CYP4F8: variants seen among roughly 807,000 people sequenced by gnomAD.
CYP4F8 encodes the protein cytochrome P450 4F8.
Under a neutral mutation model 55.0 loss-of-function variants are expected in CYP4F8, and 56 were observed. The observed-to-expected ratio is 1.02, with a 90% CI of 0.82 to 1.27. The LOEUF is 1.27. Ranked by LOEUF, CYP4F8 falls within the 50% of genes most tolerant of loss-of-function variation. CYP4F8 has a pLI of 0.00. For missense variants in CYP4F8, 680 were observed against 682.4 expected (o/e 1.00, Z 0.04); for synonymous variants, 288 against 267.3 (o/e 1.08, Z -0.76).
At chr19:15,625,317 A>G (rs888136295) in intron 9 of CYP4F8, among the ~76,000 whole-genome samples, 42 of 128,304 alleles carry the variant, frequency 3.3e-4, no homozygotes, top group African/African-American at 1.2e-3. Flanking sequence ...AATTCACAAG[A>G]AACTATGTGT....
At chr19:15,622,819 T>G in intron 6 of CYP4F8, 2 of 477,978 alleles carry the variant, frequency 4.2e-6, no homozygotes, top group Non-Finnish European at 7.6e-6. Flanking sequence ...GGAGAGGAGG[T>G]CTGAGTTTGG....
chr19:15,622,099 G>T, intron 5 of CYP4F8, 120 bp from the exon 6 acceptor site: 1 of 1,341,188 alleles, frequency 7.5e-7, no homozygotes, highest in Non-Finnish European at 1.0e-6. Flanking sequence ...CCTGAGGATG[G>T]GGGTCTGGGA....
intron 2 of CYP4F8, among the ~76,000 whole-genome samples, chr19:15,617,465 A>G (rs966457618): frequency 6.6e-6 from 1 of 151,816 alleles, no homozygotes; most frequent in African/African-American, 2.4e-5. Context: ...AATAGAATTA[A>G]TAGGATATCA....
Position 15,618,109 on chromosome 19 carries a change from A to C in CYP4F8, c.308A>C (p.His103Pro), listed in dbSNP as rs780116799. 1.2e-6 allele frequency: 2 copies of C among 1,613,944 alleles called. No individual in the cohort carries two copies. The highest frequency in any genetic ancestry group is 2.2e-5 in the South Asian group (2 of 91,070). Residue 103 changes from histidine to proline, a missense_variant, in exon 3 of 13, where the codon CAC becomes CCC. Coordinates refer to ENST00000612078, the MANE Select transcript of CYP4F8 (RefSeq NM_007253.4). Reference protein sequence around the residue: ...GPITPIINLCHPDIVRSVINT... With the variant: ...GPITPIINLCPPDIVRSVINT... ...ATCACTCCCATCATCAACTTGTGCC[A>C]CCCTGACATCGTCCGATCTGTCATC...
Position 15,623,217 on chromosome 19 carries a change from C to T in CYP4F8, c.760C>T (p.Arg254Trp), listed in dbSNP as rs377660733. ...CCTGTACTTCCTCACTCCCTGTGGA[C>T]GGCGCTTCCACAGGGCCTGCAGACT... is the stretch of plus-strand genomic sequence containing the variant. ...DFLYFLTPCGRRFHRACRLVH... is the reference protein window; with the variant it reads ...DFLYFLTPCGWRFHRACRLVH... The change falls in exon 7 of 13, where the codon CGG (arginine) becomes TGG (tryptophan). Residue 254 changes from arginine to tryptophan, a missense_variant. Transcript: ENST00000612078. 4.6e-4 allele frequency: 750 copies of T among 1,614,080 alleles called. 1 individual carries two copies. Among genetic ancestry groups the T allele is most frequent in the Non-Finnish European group, 5.9e-4 (697 of 1,180,016 alleles).
Position 15,623,937 on chromosome 19 carries a change from G to C in CYP4F8, c.986-28G>C, listed in dbSNP as rs146676693. Reference sequence around the variant, plus strand: ...CCTCTGGGTGCTGAAGCAGCCCAGAGACTCAAGCCTGCCTGGCTGACCCTC... The same window carrying C: ...CCTCTGGGTGCTGAAGCAGCCCAGACACTCAAGCCTGCCTGGCTGACCCTC... On this transcript the variant is annotated intron_variant, in intron 8 of 12. Transcript: ENST00000612078. The C allele has an allele frequency of 2.2e-3, 3,597 of 1,612,468 alleles. 9 individuals are homozygous for C. The highest frequency in any genetic ancestry group is 2.9e-3 in the Non-Finnish European group (3,416 of 1,178,966).
chr19:15,619,362 T>A, intron 3 of CYP4F8, 128 bp from the exon 4 acceptor site: 23 of 1,019,714 alleles, frequency 2.3e-5, no homozygotes, highest in Non-Finnish European at 3.3e-5. Flanking sequence ...CTTCTGCCCA[T>A]GGCCTCCTTC....
At chr19:15,628,236 G>A in intron 9 of CYP4F8, 66 bp from the exon 10 acceptor site, 1 of 1,606,798 alleles carries the variant, frequency 6.2e-7, no homozygotes, top group Non-Finnish European at 8.5e-7. Flanking sequence ...GAGGTGGTGA[G>A]AGGGTCTCCA....
chr19:15,622,107 G>A lies in CYP4F8; in HGVS notation c.526-112G>A, dbSNP rs139710599. ...AGTCCTCCCTGAGGATGGGGGTCTG[G>A]GACAGAAAACCAGGAGCATGCCTCT... On this transcript the variant is annotated intron_variant, in intron 5 of 12. Coordinates refer to ENST00000612078, the MANE Select transcript of CYP4F8 (RefSeq NM_007253.4). 9.5e-5 allele frequency: 134 copies of A among 1,411,424 alleles called. No homozygotes were observed. In the African/African-American group the frequency reaches 1.7e-3, roughly 17 times the overall value. The allele number at this position is 1,411,424 out of a possible 1,614,324, so 87.4% of individuals were successfully genotyped here.
Position 15,630,068 on chromosome 19 carries a change from T to C in CYP4F8, c.*710T>C, listed in dbSNP as rs953833200. The C allele has an allele frequency of 2.0e-5, 3 of 149,842 alleles. No individual in the cohort carries two copies. Among genetic ancestry groups the C allele is most frequent in the Admixed American group, 2.0e-4 (3 of 15,062 alleles). The allele number at this position is 149,842 out of a possible 1,614,324, so 9.3% of individuals were successfully genotyped here. ...TTTTAGTACAGATGGGGTTTTGCTA[T>C]GTTGGCCAGGCTGGTCTCAAACTCC... On this transcript the variant is annotated 3_prime_UTR_variant, in exon 13 of 13. Transcript: ENST00000612078.
intron 2 of CYP4F8, among the ~76,000 whole-genome samples, chr19:15,617,782 C>A (rs2144601310): frequency 6.6e-6 from 1 of 152,316 alleles, no homozygotes; most frequent in East Asian, 1.9e-4. Flanking sequence ...ATTCACCCTT[C>A]CTCCACTTTT....
chr19:15,629,616 G>C lies in CYP4F8; in HGVS notation c.*258G>C. 2.4e-6 allele frequency: 1 copy of C among 422,118 alleles called. No homozygotes were observed. The highest frequency in any genetic ancestry group is 4.1e-6 in the Non-Finnish European group (1 of 242,234). 26.1% of individuals were successfully genotyped at this position (422,118 alleles called of 1,614,324 possible). ...GAGGGTGGGATCTCCCAGAGTCTAA[G>C]TAAAGACTTTTTCCCCCCCAAAATA... On this transcript the variant is annotated 3_prime_UTR_variant, in exon 13 of 13. Coordinates refer to ENST00000612078, the MANE Select transcript of CYP4F8 (RefSeq NM_007253.4).
At chr19:15,628,167 A>G in intron 9 of CYP4F8, 135 bp from the exon 10 acceptor site, 1 of 1,373,406 alleles carries the variant, frequency 7.3e-7, no homozygotes, top group South Asian at 1.4e-5. Flanking sequence ...TTGGTTTTCT[A>G]ATGCTTACAT....
At chr19:15,615,846 A>C in intron 2 of CYP4F8, 32 bp downstream of exon 2, 3 of 1,536,174 alleles carry the variant, frequency 2.0e-6, no homozygotes, top group Non-Finnish European at 2.6e-6. Flanking sequence ...CTAGTGTCTC[A>C]GGGTGGAAGG....
intron 7 of CYP4F8, 76 bp downstream of exon 7, chr19:15,623,451 T>A: frequency 6.3e-7 from 1 of 1,581,474 alleles, no homozygotes; most frequent in Non-Finnish European, 8.6e-7. Flanking sequence ...GGACCGGACT[T>A]GATACAGAGG....
chr19:15,618,530 G>A (rs1312878916), intron 3 of CYP4F8: 3 of 358,708 alleles, frequency 8.4e-6, no homozygotes, highest in Middle Eastern at 8.0e-4. Context: ...ACTGGGGCAG[G>A]CTGGAAGGCT....
chr19:15,624,175 G>C (rs138376394), intron 9 of CYP4F8, 81 bp downstream of exon 9: 3 of 1,558,684 alleles, frequency 1.9e-6, no homozygotes, highest in Non-Finnish European at 2.6e-6. Context: ...TGGGGGAAAA[G>C]GGGAGGATCT....
rs745472161 is a variant in CYP4F8, at chr19:15,623,266, T to C, written c.809T>C (p.Val270Ala). Residue 270 changes from valine (V) to alanine (A), a missense_variant, in exon 7 of 13, where the codon GTC becomes GCC. By Grantham distance (64) the Val-to-Ala change is moderately conservative (BLOSUM62 0). Coordinates refer to ENST00000612078, the MANE Select transcript of CYP4F8 (RefSeq NM_007253.4). ...CRLVHDFTDA[V>A]IQERRRTLTS... Reference sequence around the variant, plus strand: ...CTGGTGCACGACTTCACAGATGCCGTCATCCAGGAGCGGCGCCGCACCCTC... The same window carrying C: ...CTGGTGCACGACTTCACAGATGCCGCCATCCAGGAGCGGCGCCGCACCCTC... 3.7e-6 allele frequency: 6 copies of C among 1,613,998 alleles called. No homozygotes were observed. The highest frequency in any genetic ancestry group is 3.3e-5 in the South Asian group (3 of 91,078).
At chr19:15,622,386 GT>G in intron 6 of CYP4F8, 46 bp downstream of exon 6, 1 of 1,530,800 alleles carries the variant, frequency 6.5e-7, no homozygotes, top group Non-Finnish European at 8.9e-7. Context: ...GAGTGGGGGT[GT>G]GGGTGTGGGG....
Sources: allele counts gnomAD v4.1 joint callset (sites outside exome capture counted in the v4.1 genomes callset), GRCh38; gene constraint gnomAD v4.1.1; transcripts MANE v1.5; gene names NCBI Gene and HGNC (gene_info 2026-07-23, HGNC 2026-07-21).